The following GLIS1 variants were observed in gnomAD, a reference collection of about 807,000 sequenced individuals.
GLIS1 encodes GLIS family zinc finger 1, also known as zinc finger protein GLIS1.
GLIS1 carries 24 observed loss-of-function variants against 63.8 expected under a neutral mutation model. The observed-to-expected ratio is 0.38, with a 90% CI of 0.27 to 0.53. The LOEUF (loss-of-function observed/expected upper bound fraction) is 0.53, where lower values mean the gene tolerates loss of function less well. GLIS1 is among the 20% of genes least tolerant of loss of function. The probability of loss-of-function intolerance (pLI) is 0.85; values close to 1 mark genes in which losing one functional copy is unlikely to be tolerated. For missense variants in GLIS1, 1,036 were observed against 1,074.1 expected (o/e 0.96, Z 0.50); for synonymous variants, 450 against 482.5 (o/e 0.93, Z 0.88).
At chr1:53,626,851 C>T (rs1645599567) in intron 2 of GLIS1, among the ~76,000 whole-genome samples, 1 of 152,278 alleles carries the variant, frequency 6.6e-6, no homozygotes, top group South Asian at 2.1e-4. Context: ...GCCCCTGCAT[C>T]CTGCATCCAA....
At chr1:53,682,320 G>C (rs2100431239) in intron 2 of GLIS1, among the ~76,000 whole-genome samples, 1 of 152,386 alleles carries the variant, frequency 6.6e-6, no homozygotes, top group East Asian at 1.9e-4. Flanking sequence ...AGGCATGAAG[G>C]AGTGGGGGGA....
In GLIS1 at chr1:53,599,988, C is replaced by T. The variant is rs147907065; in HGVS notation, c.437+113G>A. On this transcript the variant is annotated intron_variant, in intron 3 of 10. Coordinates refer to ENST00000628545, the MANE Select transcript of GLIS1 (RefSeq NM_001367484.1). ...AGCTGCTTCTGAGCTACGGGCCCCT[C>T]GTGCCTCCATTTCCCCATGTGTCCC... 1,712 of 535,188 alleles carry T rather than the reference C, an allele frequency of 3.2e-3. 15 individuals are homozygous for T. Among genetic ancestry groups the T allele is most frequent in the African/African-American group, 0.03 (1,554 of 52,250 alleles). The allele number at this position is 535,188 out of a possible 1,614,324, so 33.2% of individuals were successfully genotyped here. A position where few individuals can be genotyped will look rare whatever the true frequency, so the allele number is the denominator to read the frequency against.
At chr1:53,510,758 T>C (rs1451923986) in intron 8 of GLIS1, among the ~76,000 whole-genome samples, 1 of 152,262 alleles carries the variant, frequency 6.6e-6, no homozygotes, top group Non-Finnish European at 1.5e-5. Flanking sequence ...GTCGGTCCCA[T>C]GGCCAAGTCG....
intron 2 of GLIS1, among the ~76,000 whole-genome samples, chr1:53,693,501 C>T (rs950362905): frequency 1.3e-5 from 2 of 152,298 alleles, no homozygotes; most frequent in Non-Finnish European, 1.5e-5. Context: ...CATGCTCCCC[C>T]AGCCACCACA....
intron 4 of GLIS1, among the ~76,000 whole-genome samples, chr1:53,586,590 A>G (rs916232232): frequency 1.3e-5 from 2 of 152,206 alleles, no homozygotes; most frequent in African/African-American, 4.8e-5. Context: ...AAAGCCTCAC[A>G]ACAGTCCTAT....
intron 2 of GLIS1, among the ~76,000 whole-genome samples, chr1:53,687,666 C>A (rs771574665): frequency 1.7e-4 from 26 of 152,208 alleles, no homozygotes; most frequent in South Asian, 8.3e-4. Context: ...AGAGCCCCCG[C>A]CGCCCACCAC....
intron 2 of GLIS1, among the ~76,000 whole-genome samples, chr1:53,666,802 G>C (rs1646098370): frequency 6.6e-6 from 1 of 152,050 alleles, no homozygotes; most frequent in Non-Finnish European, 1.5e-5. Flanking sequence ...CAGCAGGGCA[G>C]GGGTGATGAA....
At chr1:53,544,130 A>C (rs1281285704) in intron 4 of GLIS1, among the ~76,000 whole-genome samples, 3 of 152,212 alleles carry the variant, frequency 2.0e-5, no homozygotes, top group Non-Finnish European at 4.4e-5. Context: ...ATAAAATTAA[A>C]ACATTTAGCT....
chr1:53,725,032 G>A (rs997475826), intron 2 of GLIS1, among the ~76,000 whole-genome samples: 10 of 152,308 alleles, frequency 6.6e-5, no homozygotes, highest in East Asian at 3.9e-4. Flanking sequence ...CGTATTCTGA[G>A]TGCATAGCAG....
At position 53,574,983 on chromosome 1, in the gene GLIS1, A is replaced by G. The variant is rs910180759; in HGVS notation, c.1320+19125T>C. On this transcript the variant is annotated intron_variant, in intron 4 of 10. Transcript: ENST00000628545. The surrounding 1 kb of genome is among the most constrained non-coding windows in gnomAD (Gnocchi z 4.2). ...AACCTCACATCTCATCTGGGCCCTC[A>G]CTGGACACCTTGGCCCAACACAGAG... Among the ~76,000 whole-genome samples, 1 of 152,102 alleles carries G rather than the reference A, an allele frequency of 6.6e-6. No homozygotes were observed. Among genetic ancestry groups the G allele is most frequent in the South Asian group, 2.1e-4 (1 of 4,822 alleles).
chr1:53,657,364 A>T, intron 2 of GLIS1, among the ~76,000 whole-genome samples: 1 of 152,194 alleles, frequency 6.6e-6, no homozygotes, highest in East Asian at 1.9e-4. Flanking sequence ...TCCAAGGGAG[A>T]TGGGTAAGAG....
In GLIS1 at chr1:53,718,280, G is replaced by A. The variant is rs72898668; in HGVS notation, c.259+19526C>T. Among the ~76,000 whole-genome samples, 756 of 152,224 alleles carry A rather than the reference G, an allele frequency of 5.0e-3. 4 individuals carry two copies. Among genetic ancestry groups the A allele is most frequent in the African/African-American group, 0.017 (701 of 41,512 alleles). On this transcript the variant is annotated intron_variant, in intron 2 of 10. Transcript: ENST00000628545. ...CAGGAGAGTTTTGAAGAGACGCCTC[G>A]GGAGGTCAGCAGGGTGTGAATGCAC...
At chr1:53,593,844 G>A (rs776997296) in intron 4 of GLIS1, among the ~76,000 whole-genome samples, 9 of 152,224 alleles carry the variant, frequency 5.9e-5, no homozygotes, top group South Asian at 2.1e-4. Context: ...GCCCTGTGGC[G>A]TGCTAAGATA....
chr1:53,574,469 G>A lies in GLIS1; in HGVS notation c.1320+19639C>T, dbSNP rs1242620504. 6.6e-6 allele frequency among the ~76,000 whole-genome samples: 1 copy of A among 152,198 alleles called. No individual in the cohort carries two copies. Among genetic ancestry groups the A allele is most frequent in the African/African-American group, 2.4e-5 (1 of 41,426 alleles). ...CGCAGTCTCCCCTGGGAGATTACCT[G>A]TATACTAATCCCCCTCTCAGGCTCT... is the stretch of plus-strand genomic sequence containing the variant. On this transcript the variant is annotated intron_variant, in intron 4 of 10. Transcript: ENST00000628545. The surrounding 1 kb of genome is among the most constrained non-coding windows in gnomAD (Gnocchi z 4.2).
At chr1:53,573,468 C>T (rs1209808314) in intron 4 of GLIS1, among the ~76,000 whole-genome samples, 2 of 152,272 alleles carry the variant, frequency 1.3e-5, no homozygotes. Context: ...TGGTGCCCTC[C>T]TCAGGCTTAT....
chr1:53,734,257 G>C (rs1646892028), intron 2 of GLIS1: 15 of 949,552 alleles, frequency 1.6e-5, no homozygotes, highest in Non-Finnish European at 1.6e-5. Flanking sequence ...TATCTGGTTT[G>C]GTGTGGGAAC....
At chr1:53,672,166 C>T (rs984579173) in intron 2 of GLIS1, among the ~76,000 whole-genome samples, 1 of 152,202 alleles carries the variant, frequency 6.6e-6, no homozygotes, top group Non-Finnish European at 1.5e-5. Flanking sequence ...CAAAATGGAC[C>T]AGAAGCCCAG....
At chr1:53,732,663 C>T (rs911948887) in intron 2 of GLIS1, among the ~76,000 whole-genome samples, 2 of 151,998 alleles carry the variant, frequency 1.3e-5, no homozygotes, top group African/African-American at 2.4e-5. Flanking sequence ...TTTTCAAAGC[C>T]CACTGCAAAC....
intron 2 of GLIS1, among the ~76,000 whole-genome samples, chr1:53,723,322 A>C (rs1465290866): frequency 6.8e-6 from 1 of 147,922 alleles, no homozygotes; most frequent in African/African-American, 2.5e-5. Flanking sequence ...TGCAACCTCT[A>C]CCTCCCATGT....
Sources: allele counts gnomAD v4.1 joint callset (sites outside exome capture counted in the v4.1 genomes callset), GRCh38; gene constraint gnomAD v4.1.1; non-coding constraint Gnocchi (gnomAD v3.1); transcripts MANE v1.5; gene names NCBI Gene and HGNC (gene_info 2026-07-23, HGNC 2026-07-21).